PXMP2: variants seen among roughly 807,000 people sequenced by gnomAD.
PXMP2 encodes 22 kDa peroxisomal membrane protein.
In PXMP2, 13 loss-of-function variants were observed where a neutral mutation model predicts 20.2. The ratio of observed to expected loss-of-function variants is 0.64; its 90% CI spans 0.42 to 1.02. The LOEUF (loss-of-function observed/expected upper bound fraction) is 1.02, where lower values mean the gene tolerates loss of function less well. Among genes scored for constraint, PXMP2 ranks in the 50% least tolerant of loss-of-function variants. The pLI, the probability that PXMP2 is intolerant of heterozygous loss-of-function variation, is 0.00. For missense variants in PXMP2, 284 were observed against 251.8 expected (o/e 1.13, Z -0.87); for synonymous variants, 113 against 111.2 (o/e 1.02, Z -0.10).
In PXMP2 at chr12:132,704,890, G is replaced by C. The variant is rs7979132; in HGVS notation, c.*203G>C. 2 of 591,600 alleles carry C rather than the reference G, an allele frequency of 3.4e-6. No individual in the cohort carries two copies. Among genetic ancestry groups the C allele is most frequent in the Non-Finnish European group, 6.1e-6 (2 of 330,340 alleles). 36.6% of individuals were successfully genotyped at this position (591,600 alleles called of 1,614,324 possible). On this transcript the variant is annotated 3_prime_UTR_variant, in exon 5 of 5. Transcript: ENST00000317479. ...AAAAGGCAGTCGCTGCCTTCAGGTG[G>C]TGCTGCCCCAGAAACTTAAAATTTA...
At chr12:132,693,700 CTCCCTTA>C (rs2043387911) in intron 2 of PXMP2, among the ~76,000 whole-genome samples, 1 of 136,002 alleles carries the variant, frequency 7.4e-6, no homozygotes, top group Non-Finnish European at 1.6e-5. Context: ...AGTTAGTGAG[CTCCCTTA>C]GCCAGTTAGT....
intron 1 of PXMP2, 93 bp downstream of exon 1, chr12:132,687,885 C>T: frequency 9.4e-7 from 1 of 1,060,016 alleles, no homozygotes; most frequent in Non-Finnish European, 1.1e-6. Flanking sequence ...CGGGACCAGG[C>T]TGGGGGCGCG....
rs930008002 is a variant in PXMP2 at position 132,696,832 on chromosome 12, A to G, written c.399+786A>G. Among the ~76,000 whole-genome samples, 2 of 149,436 alleles carry G rather than the reference A, an allele frequency of 1.3e-5. No individual in the cohort carries two copies. Among genetic ancestry groups the G allele is most frequent in the African/African-American group, 4.9e-5 (2 of 40,414 alleles). On this transcript the variant is annotated intron_variant, in intron 3 of 4. Transcript: ENST00000317479. The surrounding 1 kb of genome is among the most constrained non-coding windows in gnomAD (Gnocchi z 4.4). Reference sequence around the variant, plus strand: ...AAAAACAAAACAAAACAAATTAGCCAGGTATGGTGGTGCGTGCTTGTAATC... The same window carrying G: ...AAAAACAAAACAAAACAAATTAGCCGGGTATGGTGGTGCGTGCTTGTAATC...
intron 4 of PXMP2, 55 bp from the exon 5 acceptor site, chr12:132,704,564 T>C (rs2136070488): frequency 7.5e-7 from 1 of 1,329,110 alleles, no homozygotes. Flanking sequence ...TGAGGCTGGA[T>C]AACTGGCCAC....
rs2043412692 is a variant in PXMP2, at chr12:132,696,827, T to G, written c.399+781T>G. On this transcript the variant is annotated intron_variant, in intron 3 of 4. Transcript: ENST00000317479. The surrounding 1 kb of genome is among the most constrained non-coding windows in gnomAD (Gnocchi z 4.4). ...AAACAAAAAACAAAACAAAACAAAT[T>G]AGCCAGGTATGGTGGTGCGTGCTTG... Among the ~76,000 whole-genome samples the G allele has an allele frequency of 6.6e-6, 1 of 150,754 alleles. No individual in the cohort carries two copies. The highest frequency in any genetic ancestry group is 2.4e-5 in the African/African-American group (1 of 41,010).
At chr12:132,703,949 G>A (rs2043456347) in intron 4 of PXMP2, among the ~76,000 whole-genome samples, 1 of 152,198 alleles carries the variant, frequency 6.6e-6, no homozygotes, top group East Asian at 1.9e-4. Flanking sequence ...GAGCTGGGAA[G>A]CCGCGCCTCT....
chr12:132,687,613 G>A lies in PXMP2; in HGVS notation c.-58G>A. On this transcript the variant is annotated 5_prime_UTR_variant, in exon 1 of 5. Transcript: ENST00000317479. ...CTCCGCTCTCGGCGCCTCGGGCTCC[G>A]CGCCCGGCCAGCCTGAGGTGGGGTC... The A allele has an allele frequency of 8.6e-7, 1 of 1,162,676 alleles. No individual in the cohort carries two copies. Among genetic ancestry groups the A allele is most frequent in the African/African-American group, 1.6e-5 (1 of 62,264 alleles). The allele number at this position is 1,162,676 out of a possible 1,614,324, so 72.0% of individuals were successfully genotyped here.
chr12:132,701,179 G>T, intron 3 of PXMP2, 71 bp from the exon 4 acceptor site: 1 of 1,594,652 alleles, frequency 6.3e-7, no homozygotes. Flanking sequence ...ATCACGATAG[G>T]GTCTGGGTGC....
rs562468461 is a variant in PXMP2, at chr12:132,694,405, C to T, written c.237-1479C>T. 3.0e-4 allele frequency among the ~76,000 whole-genome samples: 27 copies of T among 89,156 alleles called. 5 individuals carry two copies. Among genetic ancestry groups the T allele is most frequent in the Admixed American group, 1.8e-3 (16 of 9,056 alleles). The allele number at this position is 89,156 out of a possible 152,430, so 58.5% of individuals were successfully genotyped here. A position where few individuals can be genotyped will look rare whatever the true frequency, so the allele number is the denominator to read the frequency against. On this transcript the variant is annotated intron_variant, in intron 2 of 4. Coordinates refer to ENST00000317479, the MANE Select transcript of PXMP2 (RefSeq NM_018663.3). ...GCCCTTGCCAGTTAGTTAGTGAGCG[C>T]CCTTGCCAGTTAGTGAGCTCCCTTA...
chr12:132,687,936 C>A, intron 1 of PXMP2, 144 bp downstream of exon 1: 1 of 794,204 alleles, frequency 1.3e-6, no homozygotes, highest in Non-Finnish European at 1.6e-6. Flanking sequence ...TCCGACCCGG[C>A]GCTGAACTTC....
Position 132,702,987 on chromosome 12 carries a change from G to C in PXMP2, c.519+1618G>C, listed in dbSNP as rs1004200603. 2.6e-5 allele frequency among the ~76,000 whole-genome samples: 4 copies of C among 152,344 alleles called. No individual in the cohort carries two copies. The South Asian group carries it at 8.3e-4, about 32-fold the overall frequency. On this transcript the variant is annotated intron_variant, in intron 4 of 4. Transcript: ENST00000317479. Reference sequence around the variant, plus strand: ...AAGAGGCAGTTCACCCTTAGCCAAAGTTGCCAGGAGTTAAAGCAAAATAAA... The same window carrying C: ...AAGAGGCAGTTCACCCTTAGCCAAACTTGCCAGGAGTTAAAGCAAAATAAA...
At position 132,696,798 on chromosome 12, in the gene PXMP2, T is replaced by G. The variant is rs2043412559; in HGVS notation, c.399+752T>G. On this transcript the variant is annotated intron_variant, in intron 3 of 4. Coordinates refer to ENST00000317479, the MANE Select transcript of PXMP2 (RefSeq NM_018663.3). The surrounding 1 kb of genome is among the most constrained non-coding windows in gnomAD (Gnocchi z 4.4). ...CTGGGTAATAGAGCCAGACTCCGTCTCAAAAACAAAAAACAAAACAAAACA... is the reference window on the plus strand; with the variant it reads ...CTGGGTAATAGAGCCAGACTCCGTCGCAAAAACAAAAAACAAAACAAAACA... Among the ~76,000 whole-genome samples, 1 of 151,626 alleles carries G rather than the reference T, an allele frequency of 6.6e-6. No individual in the cohort carries two copies. The highest frequency in any genetic ancestry group is 6.6e-5 in the Admixed American group (1 of 15,206).
chr12:132,687,982 G>A, intron 1 of PXMP2, 190 bp downstream of exon 1: 1 of 467,026 alleles, frequency 2.1e-6, no homozygotes, highest in Non-Finnish European at 3.0e-6. Flanking sequence ...CAGCGATTGT[G>A]AGGCGCCTTG....
intron 2 of PXMP2, among the ~76,000 whole-genome samples, chr12:132,694,215 G>C (rs371419670): frequency 1.5e-3 from 158 of 105,380 alleles, no homozygotes; most frequent in Non-Finnish European, 2.2e-3. Flanking sequence ...CAGTTAGTTA[G>C]TGAGCTCCCT....
intron 3 of PXMP2, among the ~76,000 whole-genome samples, chr12:132,699,911 G>A (rs1402698460): frequency 2.0e-5 from 3 of 152,102 alleles, no homozygotes; most frequent in African/African-American, 7.2e-5. Context: ...TCGAATGGTG[G>A]TTCTATTTTC....
At chr12:132,693,179 CAGTT>C (rs531102912) in intron 2 of PXMP2, among the ~76,000 whole-genome samples, 2 of 38,748 alleles carry the variant, frequency 5.2e-5, no homozygotes, top group Admixed American at 2.1e-4. Flanking sequence ...GCTCCCTTGC[CAGTT>C]AGTTAGTGAG....
chr12:132,691,225 G>A (rs1373035752), intron 2 of PXMP2, among the ~76,000 whole-genome samples: 1 of 151,590 alleles, frequency 6.6e-6, no homozygotes, highest in African/African-American at 2.4e-5. Flanking sequence ...CTAATTTTTT[G>A]TATTTTTAGT....
intron 2 of PXMP2, among the ~76,000 whole-genome samples, chr12:132,691,865 C>G (rs2043368754): frequency 6.6e-6 from 1 of 152,246 alleles, no homozygotes; most frequent in Non-Finnish European, 1.5e-5. Context: ...CCTCTTGTCC[C>G]AGTAGATGTG....
chr12:132,687,662 G>C lies in PXMP2; in HGVS notation c.-9G>C, dbSNP rs528027436. 30 of 1,168,858 alleles carry C rather than the reference G, an allele frequency of 2.6e-5. No individual in the cohort carries two copies. In the South Asian group the frequency reaches 1.1e-3, roughly 42 times the overall value. 72.4% of individuals were successfully genotyped at this position (1,168,858 alleles called of 1,614,324 possible). A position where few individuals can be genotyped will look rare whatever the true frequency, so the allele number is the denominator to read the frequency against. On this transcript the variant is annotated 5_prime_UTR_variant, in exon 1 of 5. Transcript: ENST00000317479. ...TCGGTGCCCCCGGCGGCACGGCGCT[G>C]GGGAGGCGATGGCGCCGGCCGCGTC...
Sources: allele counts gnomAD v4.1 joint callset (sites outside exome capture counted in the v4.1 genomes callset), GRCh38; gene constraint gnomAD v4.1.1; non-coding constraint Gnocchi (gnomAD v3.1); transcripts MANE v1.5; gene names NCBI Gene and HGNC (gene_info 2026-07-23, HGNC 2026-07-21).